The following GPHN variants were observed in gnomAD, a reference collection of about 807,000 sequenced individuals.
The protein encoded by GPHN is gephyrin.
In GPHN, 17 loss-of-function variants were observed where a neutral mutation model predicts 95.5. That is an observed-to-expected ratio of 0.18 (90% confidence interval 0.12 to 0.27). The LOEUF (loss-of-function observed/expected upper bound fraction) is 0.27. Ranked by LOEUF, GPHN falls within the 10% of genes least tolerant of loss-of-function variation. The pLI, the probability that GPHN is intolerant of heterozygous loss-of-function variation, is 1.00. For synonymous variants in GPHN, 320 were observed against 322.5 expected, an observed-to-expected ratio of 0.99 and a Z score of 0.08; for missense variants, 660 against 978.1, an observed-to-expected ratio of 0.67 and a Z score of 4.34.
the GPHN span, among the ~76,000 whole-genome samples, chr14:67,732,556 T>C: frequency 3.4e-5 from 5 of 145,554 alleles, no homozygotes; most frequent in Non-Finnish European, 6.1e-5. Context: ...AAAAAGACTG[T>C]ACAGAAAGCA....
the GPHN span, among the ~76,000 whole-genome samples, chr14:67,555,572 A>G: frequency 6.6e-6 from 1 of 152,180 alleles, no homozygotes; most frequent in Non-Finnish European, 1.5e-5. Context: ...CCATCAGGAC[A>G]AAAGAGCTGG....
At chr14:67,580,764 AGCT>A in the GPHN span, 1 of 575,794 alleles carries the variant, frequency 1.7e-6, no homozygotes, top group East Asian at 2.9e-5. Context: ...TTTGTGAGGG[AGCT>A]GCTGCCACCT....
chr14:66,990,778 T>C (rs566175386), intron 9 of GPHN, among the ~76,000 whole-genome samples: 3 of 152,042 alleles, frequency 2.0e-5, no homozygotes, highest in Admixed American at 2.0e-4. Context: ...TTAAATATTT[T>C]ATTTTATGGA....
chr14:66,874,748 T>C (rs2063579622), intron 4 of GPHN, among the ~76,000 whole-genome samples: 1 of 152,030 alleles, frequency 6.6e-6, no homozygotes, highest in Non-Finnish European at 1.5e-5. Context: ...CCAAGAAATA[T>C]GGGACTGTGT....
intron 3 of GPHN, among the ~76,000 whole-genome samples, chr14:66,796,046 G>GTT (rs1374080852): frequency 6.6e-6 from 1 of 151,874 alleles, no homozygotes; most frequent in Admixed American, 6.6e-5. Flanking sequence ...GGGTTCAATC[G>GTT]TTTTAATTTT....
intron 5 of GPHN, among the ~76,000 whole-genome samples, chr14:66,882,673 G>T (rs994767580): frequency 1.3e-5 from 2 of 151,490 alleles, no homozygotes; most frequent in African/African-American, 4.8e-5. Context: ...AAACTGACTC[G>T]TAGTAACTCT....
chr14:67,583,891 GGCTACAAGGTCTT>G, the GPHN span: 6 of 1,613,438 alleles, frequency 3.7e-6, no homozygotes, highest in South Asian at 6.6e-5. Context: ...GAGGTAGGTA[GGCTACAAGGTCTT>G]GCAGCAAGTC....
the GPHN span, chr14:67,691,349 A>G: frequency 1.4e-6 from 1 of 708,708 alleles, no homozygotes; most frequent in Non-Finnish European, 2.5e-6. Context: ...CAGGACTTCA[A>G]TCTTCCCTCC....
intron 3 of GPHN, among the ~76,000 whole-genome samples, chr14:66,786,663 G>T (rs1346123583): frequency 6.6e-6 from 1 of 151,958 alleles, no homozygotes; most frequent in Non-Finnish European, 1.5e-5. Context: ...TGTATAAAAA[G>T]AATTAAGTGC....
At chr14:67,662,880 G>A in the GPHN span, 2 of 1,178,958 alleles carry the variant, frequency 1.7e-6, no homozygotes, top group African/African-American at 3.5e-5. Context: ...TCCAGCCTGG[G>A]CAATAGAGCA....
chr14:67,582,864 CAAAA>C, the GPHN span, among the ~76,000 whole-genome samples: 4 of 152,118 alleles, frequency 2.6e-5, no homozygotes, highest in South Asian at 2.1e-4. The surrounding 1 kb of genome is among the most constrained non-coding windows in gnomAD (Gnocchi z 5.0). Flanking sequence ...AACAAACAAA[CAAAA>C]ACCTCTGCCA....
At chr14:66,950,208 A>G (rs781159051) in intron 8 of GPHN, among the ~76,000 whole-genome samples, 8 of 152,108 alleles carry the variant, frequency 5.3e-5, no homozygotes, top group Non-Finnish European at 8.8e-5. Flanking sequence ...GTAGAAATAG[A>G]TTACTTCTCT....
the GPHN span, among the ~76,000 whole-genome samples, chr14:67,605,162 T>G: frequency 4.6e-5 from 7 of 152,352 alleles, no homozygotes; most frequent in Admixed American, 3.9e-4. Context: ...TAAGGGAGAA[T>G]TGACATCTTA....
chr14:67,603,126 G>A, the GPHN span, among the ~76,000 whole-genome samples: 1 of 152,266 alleles, frequency 6.6e-6, no homozygotes, highest in Non-Finnish European at 1.5e-5. Context: ...GAGTGCAGCA[G>A]TGGTACGGTC....
chr14:67,000,769 A>G (rs2153610546), intron 9 of GPHN, among the ~76,000 whole-genome samples: 1 of 151,652 alleles, frequency 6.6e-6, no homozygotes, highest in East Asian at 1.9e-4. Context: ...TCTGACATAC[A>G]TATTAGTAGC....
At chr14:67,299,398 C>A in the GPHN span, among the ~76,000 whole-genome samples, 3 of 152,224 alleles carry the variant, frequency 2.0e-5, no homozygotes, top group Admixed American at 1.3e-4. Flanking sequence ...CATTCTTTTA[C>A]TTCCTTCCTT....
intron 17 of GPHN, among the ~76,000 whole-genome samples, chr14:67,142,469 C>T (rs2080531590): frequency 6.6e-6 from 1 of 152,154 alleles, no homozygotes; most frequent in Non-Finnish European, 1.5e-5. Flanking sequence ...CTCTTCTCCC[C>T]AGACCTTCAA....
At chr14:67,561,091 C>T in the GPHN span, among the ~76,000 whole-genome samples, 2 of 152,180 alleles carry the variant, frequency 1.3e-5, no homozygotes, top group African/African-American at 2.4e-5. Context: ...AGGAGGGTAT[C>T]AGCTCATTTG....
the GPHN span, among the ~76,000 whole-genome samples, chr14:67,366,761 A>G: frequency 3.3e-5 from 5 of 152,128 alleles, no homozygotes; most frequent in Non-Finnish European, 7.3e-5. Context: ...TATGAAAAAT[A>G]ACTACCTAAA....
Sources: allele counts gnomAD v4.1 joint callset (sites outside exome capture counted in the v4.1 genomes callset), GRCh38; gene constraint gnomAD v4.1.1; non-coding constraint Gnocchi (gnomAD v3.1); transcripts MANE v1.5; gene names NCBI Gene and HGNC (gene_info 2026-07-23, HGNC 2026-07-21).